Variants in NEGR1 observed in about 807,000 individuals in gnomAD.
NEGR1 encodes neuronal growth regulator 1, also known as IgLON family member 4.
A neutral mutation model predicts 40.9 loss-of-function variants in NEGR1; 10 were observed. The ratio of observed to expected loss-of-function variants is 0.24; its 90% CI spans 0.15 to 0.42. The LOEUF is 0.42. Among genes scored for constraint, NEGR1 ranks in the 10% least tolerant of loss-of-function variants. NEGR1 has a pLI of 1.00. For synonymous variants in NEGR1, 185 were observed against 166.8 expected (o/e 1.11, Z -0.84); for missense variants, 352 against 438.9 (o/e 0.80, Z 1.77).
At chr1:71,783,876 A>G (rs2901632) in intron 2 of NEGR1, among the ~76,000 whole-genome samples, 35,390 of 144,520 alleles carry the variant, frequency 0.24, 6,888 homozygotes, top group Middle Eastern at 0.42. Flanking sequence ...CCATCCATCC[A>G]ATAGACATTT....
At chr1:71,548,313 C>T (rs1647967446) in intron 6 of NEGR1, among the ~76,000 whole-genome samples, 1 of 151,704 alleles carries the variant, frequency 6.6e-6, no homozygotes, top group Admixed American at 6.6e-5. Context: ...TAGCTGGTAA[C>T]ATTTCTGCTG....
Position 71,777,118 on chromosome 1 carries a change from C to T in NEGR1, c.410-821G>A, listed in dbSNP as rs77172316. Among the ~76,000 whole-genome samples, 1,169 of 152,150 alleles carry T rather than the reference C, an allele frequency of 7.7e-3. 9 individuals carry two copies. The highest frequency in any genetic ancestry group is 0.011 in the Non-Finnish European group (748 of 67,962). ...AGAGAAAAGTCTCTAAACTAACTTC[C>T]AGGATTAAATTTCTATATTCTTTGA... is the stretch of plus-strand genomic sequence containing the variant. On this transcript the variant is annotated intron_variant, in intron 2 of 6. Transcript: ENST00000357731.
intron 1 of NEGR1, among the ~76,000 whole-genome samples, chr1:72,130,290 G>A (rs894230450): frequency 6.6e-6 from 1 of 152,078 alleles, no homozygotes. Flanking sequence ...AAGTTGTTTA[G>A]GTTTTTTGCC....
rs112528140 is a variant in NEGR1, at chr1:71,832,272, G to T, written c.410-55975C>A. ...GGTGACAGAATCAACATAGCACTAT[G>T]AACTGACAACCAGACGATCAAAGTG... On this transcript the variant is annotated intron_variant, in intron 2 of 6. Coordinates refer to ENST00000357731, the MANE Select transcript of NEGR1 (RefSeq NM_173808.3). Among the ~76,000 whole-genome samples, 316 of 152,098 alleles carry T rather than the reference G, an allele frequency of 2.1e-3. 1 individual carries two copies. The highest frequency in any genetic ancestry group is 7.4e-3 in the African/African-American group (306 of 41,538).
At chr1:72,137,332 C>A (rs752559461) in intron 1 of NEGR1, among the ~76,000 whole-genome samples, 1 of 152,122 alleles carries the variant, frequency 6.6e-6, no homozygotes, top group Non-Finnish European at 1.5e-5. Flanking sequence ...ATAGAAAAGT[C>A]TTGGAATCAA....
intron 2 of NEGR1, among the ~76,000 whole-genome samples, chr1:71,890,201 A>T (rs1234715261): frequency 9.8e-6 from 1 of 102,240 alleles, no homozygotes; most frequent in Non-Finnish European, 1.9e-5. Flanking sequence ...TGACAGGATC[A>T]AATTCACACA....
At chr1:71,548,331 G>A (rs1647968054) in intron 6 of NEGR1, among the ~76,000 whole-genome samples, 1 of 151,732 alleles carries the variant, frequency 6.6e-6, no homozygotes, top group Non-Finnish European at 1.5e-5. Flanking sequence ...CTGCTTTGGG[G>A]ACAACACTTC....
intron 4 of NEGR1, among the ~76,000 whole-genome samples, chr1:71,642,058 G>A (rs1266736695): frequency 6.6e-6 from 1 of 151,788 alleles, no homozygotes; most frequent in Non-Finnish European, 1.5e-5. Flanking sequence ...TCATATTTTG[G>A]CAGAGTTTCT....
intron 1 of NEGR1, among the ~76,000 whole-genome samples, chr1:71,942,977 A>ATATATATATATATATATATATATAT (rs1557446726): frequency 1.5e-4 from 18 of 119,504 alleles, no homozygotes; most frequent in Non-Finnish European, 1.9e-4. Flanking sequence ...TATATATATA[A>ATATATATATATATATATATATATAT]GTATATATGT....
intron 1 of NEGR1, among the ~76,000 whole-genome samples, chr1:72,265,702 A>C (rs17092516): frequency 0.026 from 3,966 of 151,112 alleles, 162 homozygotes; most frequent in African/African-American, 0.09. Context: ...TAAGAACTTA[A>C]AAGATATTTG....
intron 6 of NEGR1, chr1:71,422,649 C>T (rs1210382182): frequency 1.3e-5 from 2 of 152,124 alleles, no homozygotes; most frequent in African/African-American, 2.4e-5. Flanking sequence ...GAAGAAAGGC[C>T]TTGTTTTATG....
chr1:71,499,503 G>A (rs1283819399), intron 6 of NEGR1, among the ~76,000 whole-genome samples: 1 of 147,488 alleles, frequency 6.8e-6, no homozygotes, highest in African/African-American at 2.5e-5. Flanking sequence ...AATTGTATAT[G>A]TTATATATAT....
At chr1:72,150,743 C>G (rs1651095575) in intron 1 of NEGR1, among the ~76,000 whole-genome samples, 1 of 151,998 alleles carries the variant, frequency 6.6e-6, no homozygotes, top group Non-Finnish European at 1.5e-5. Flanking sequence ...TTAAAATATG[C>G]ACATTTATAT....
chr1:71,703,027 G>A (rs77700434), intron 3 of NEGR1, among the ~76,000 whole-genome samples: 3,606 of 152,000 alleles, frequency 0.024, 97 homozygotes, highest in Admixed American at 0.072. Flanking sequence ...TTTTCTTGTC[G>A]TTGCTGAGTA....
intron 6 of NEGR1, among the ~76,000 whole-genome samples, chr1:71,435,531 G>GA (rs538482791): frequency 1.6e-3 from 231 of 144,522 alleles, no homozygotes; most frequent in African/African-American, 4.0e-3. Context: ...GCTGTATTCT[G>GA]AAAAAAAAAA....
chr1:71,553,970 T>A (rs1289162791), intron 6 of NEGR1, among the ~76,000 whole-genome samples: 1 of 151,554 alleles, frequency 6.6e-6, no homozygotes, highest in Non-Finnish European at 1.5e-5. Context: ...TAATAGTAAC[T>A]TAGGCTTACA....
At chr1:71,682,971 C>A (rs929156226) in intron 4 of NEGR1, among the ~76,000 whole-genome samples, 1 of 152,010 alleles carries the variant, frequency 6.6e-6, no homozygotes, top group African/African-American at 2.4e-5. Flanking sequence ...GGTATCAGGG[C>A]GAGGCTTCTT....
At chr1:72,145,770 T>C (rs748880666) in intron 1 of NEGR1, among the ~76,000 whole-genome samples, 2 of 152,170 alleles carry the variant, frequency 1.3e-5, no homozygotes, top group Non-Finnish European at 2.9e-5. Flanking sequence ...TTATTTTCTT[T>C]ACTCAGAATT....
intron 1 of NEGR1, among the ~76,000 whole-genome samples, chr1:72,065,051 C>G (rs1647239842): frequency 6.6e-6 from 1 of 151,950 alleles, no homozygotes; most frequent in Non-Finnish European, 1.5e-5. Context: ...AAGAAAACAA[C>G]TCTTATTTTG....
Sources: gnomAD v4.1 joint callset for allele counts (sites outside exome capture counted in the v4.1 genomes callset) on GRCh38, gnomAD v4.1.1 for gene constraint, MANE v1.5 for transcripts, NCBI Gene and HGNC (gene_info 2026-07-23, HGNC 2026-07-21) for gene names.